NCR3LG1: variants seen among roughly 807,000 people sequenced by gnomAD.
NCR3LG1 encodes natural killer cell cytotoxicity receptor 3 ligand 1, also known as natural cytotoxicity triggering receptor 3 ligand 1.
Under a neutral mutation model 34.8 loss-of-function variants are expected in NCR3LG1, and 35 were observed. That is an observed-to-expected ratio of 1.01 (90% CI 0.77 to 1.33). The LOEUF (loss-of-function observed/expected upper bound fraction) is 1.33, where lower values mean the gene tolerates loss of function less well. Ranked by LOEUF, NCR3LG1 falls within the 40% of genes most tolerant of loss-of-function variation. The pLI, the probability that NCR3LG1 is intolerant of heterozygous loss-of-function variation, is 0.00. For synonymous variants in NCR3LG1, 173 were observed against 163.6 expected (o/e 1.06, Z -0.44); for missense variants, 452 against 423.3 (o/e 1.07, Z -0.60).
At position 17,357,012 on chromosome 11, in the gene NCR3LG1, C is replaced by A; in HGVS notation, c.421+11C>A. On this transcript the variant is annotated intron_variant, in intron 2 of 4. Transcript: ENST00000338965. ...AGCTTGAAGTTGTGGGTGAGTGTCT[C>A]GGGGCAGTGCCCTACAGTTCCCATG... The A allele has an allele frequency of 6.7e-7, 1 of 1,485,984 alleles. No homozygotes were observed. The allele number at this position is 1,485,984 out of a possible 1,614,324, so 92.0% of individuals were successfully genotyped here.
chr11:17,356,622 C>T, intron 1 of NCR3LG1, 29 bp from the exon 2 acceptor site: 1 of 1,444,176 alleles, frequency 6.9e-7, no homozygotes. Flanking sequence ...CATTGGTAAA[C>T]TGAACATTGT....
rs1275658758 is a variant in NCR3LG1, at chr11:17,372,521, T to C, written c.*9T>C. ...TGTTACCCCTACAGTAAATGCCTGA[T>C]GGACCTGGTGCCACTAGGGTCCAAG... On this transcript the variant is annotated 3_prime_UTR_variant, in exon 5 of 5. Transcript: ENST00000338965. 1.5e-6 allele frequency: 1 copy of C among 683,986 alleles called. No individual in the cohort carries two copies. Among genetic ancestry groups the C allele is most frequent in the Non-Finnish European group, 2.7e-6 (1 of 374,458 alleles). 42.4% of individuals were successfully genotyped at this position (683,986 alleles called of 1,614,324 possible). A position where few individuals can be genotyped will look rare whatever the true frequency, so the allele number is the denominator to read the frequency against.
chr11:17,359,422 G>C (rs1953245334), intron 2 of NCR3LG1, among the ~76,000 whole-genome samples: 1 of 150,510 alleles, frequency 6.6e-6, no homozygotes, highest in African/African-American at 2.4e-5. Context: ...ACCATCCTCT[G>C]TTTATTGAAT....
rs71047545 is a variant in NCR3LG1, at chr11:17,354,545, C to CTTTTTTTT, written c.71-2085_71-2078dup. Among the ~76,000 whole-genome samples the CTTTTTTTT allele has an allele frequency of 3.8e-4, 27 of 70,326 alleles. 1 individual carries two copies. The highest frequency in any genetic ancestry group is 6.5e-4 in the Non-Finnish European group (19 of 29,296). The allele number at this position is 70,326 out of a possible 152,430, so 46.1% of individuals were successfully genotyped here. A position where few individuals can be genotyped will look rare whatever the true frequency, so the allele number is the denominator to read the frequency against. On this transcript the variant is annotated intron_variant, in intron 1 of 4. Coordinates refer to ENST00000338965, the MANE Select transcript of NCR3LG1 (RefSeq NM_001202439.3). ...TCCCTCCGACCCCCCAATTCTTCTTCTTTTTTTTTTTTTTTTTTTTTTTTT... is the reference window on the plus strand; with the variant it reads ...TCCCTCCGACCCCCCAATTCTTCTTCTTTTTTTTTTTTTTTTTTTTTTTTTTTTTTTTT...
intron 1 of NCR3LG1, among the ~76,000 whole-genome samples, chr11:17,355,712 C>T (rs1300163743): frequency 6.6e-6 from 1 of 152,162 alleles, no homozygotes; most frequent in African/African-American, 2.4e-5. Context: ...AGCCTCATTT[C>T]TAGTTTATAG....
chr11:17,355,026 T>C (rs1413167228), intron 1 of NCR3LG1, among the ~76,000 whole-genome samples: 1 of 152,172 alleles, frequency 6.6e-6, no homozygotes, highest in Non-Finnish European at 1.5e-5. Context: ...AAATAGCAAA[T>C]GTAATATTTT....
downstream of NCR3LG1, among the ~76,000 whole-genome samples, chr11:17,378,168 A>G (rs958270686): frequency 6.6e-6 from 1 of 152,186 alleles, no homozygotes; most frequent in South Asian, 2.1e-4. Context: ...TGCAAAATAG[A>G]CAGGCCCTAG....
intron 2 of NCR3LG1, among the ~76,000 whole-genome samples, chr11:17,361,437 G>A (rs1043916299): frequency 1.3e-5 from 2 of 151,902 alleles, no homozygotes; most frequent in African/African-American, 4.8e-5. Flanking sequence ...ACGGGCATGC[G>A]CCACCACGCC....
chr11:17,352,710 A>C (rs929384123), intron 1 of NCR3LG1, among the ~76,000 whole-genome samples: 1 of 152,036 alleles, frequency 6.6e-6, no homozygotes, highest in African/African-American at 2.4e-5. Flanking sequence ...ATTCATCCGC[A>C]TATCAGTGGG....
At chr11:17,370,453 T>C (rs1233691286) in intron 4 of NCR3LG1, among the ~76,000 whole-genome samples, 1 of 152,206 alleles carries the variant, frequency 6.6e-6, no homozygotes, top group Admixed American at 6.5e-5. Flanking sequence ...TTCAGAGGCT[T>C]CTTGTCCTCA....
intron 2 of NCR3LG1, among the ~76,000 whole-genome samples, chr11:17,365,802 C>A (rs761395841): frequency 6.6e-6 from 1 of 152,138 alleles, no homozygotes; most frequent in South Asian, 2.1e-4. Flanking sequence ...AAGACCAGGA[C>A]CTGAGGAGGT....
At position 17,375,296 on chromosome 11, in the gene NCR3LG1, C is replaced by T. The variant is rs769005554; in HGVS notation, c.*2784C>T. ...TAATTGTGAACAGACTGTAGTACAA[C>T]CTATGCCGCTAGGGAGGATCTCAAA... On this transcript the variant is annotated 3_prime_UTR_variant, in exon 5 of 5. Coordinates refer to ENST00000338965, the MANE Select transcript of NCR3LG1 (RefSeq NM_001202439.3). The T allele has an allele frequency of 6.6e-6, 1 of 152,150 alleles. No individual in the cohort carries two copies. The allele number at this position is 152,150 out of a possible 1,614,324, so 9.4% of individuals were successfully genotyped here. A position where few individuals can be genotyped will look rare whatever the true frequency, so the allele number is the denominator to read the frequency against.
downstream of NCR3LG1, chr11:17,381,327 A>G (rs536152185): frequency 3.2e-4 from 49 of 152,632 alleles, no homozygotes; most frequent in African/African-American, 1.2e-3. Context: ...ACAGAGACAG[A>G]TGGCAGAGAT....
At chr11:17,353,860 G>A (rs1030837629) in intron 1 of NCR3LG1, among the ~76,000 whole-genome samples, 3 of 152,204 alleles carry the variant, frequency 2.0e-5, no homozygotes, top group African/African-American at 7.2e-5. Context: ...ATGGAAAACC[G>A]TTTCGGAAGC....
chr11:17,361,194 A>G (rs1953265625), intron 2 of NCR3LG1, among the ~76,000 whole-genome samples: 1 of 151,996 alleles, frequency 6.6e-6, no homozygotes, highest in African/African-American at 2.4e-5. Context: ...TTCTTTCCAT[A>G]CAAATTTGAG....
chr11:17,365,200 G>T (rs1465467964), intron 2 of NCR3LG1, among the ~76,000 whole-genome samples: 2 of 152,118 alleles, frequency 1.3e-5, no homozygotes, highest in Admixed American at 6.5e-5. Context: ...TGTTAATTTG[G>T]CTAGGAGCTG....
rs1953446369 is a variant in NCR3LG1, at chr11:17,374,057, C to CT, written c.*1547dup. On this transcript the variant is annotated 3_prime_UTR_variant, in exon 5 of 5. Transcript: ENST00000338965. ...TGATAACCTAAAGGCACAAGGCCTCCTTAGGCCTTGCAGTAGCCCTTGAAA... is the reference window on the plus strand; with the variant it reads ...TGATAACCTAAAGGCACAAGGCCTCCTTTAGGCCTTGCAGTAGCCCTTGAAA... 1 of 152,160 alleles carries CT rather than the reference C, an allele frequency of 6.6e-6. No homozygotes were observed. The highest frequency in any genetic ancestry group is 2.4e-5 in the African/African-American group (1 of 41,440). 9.4% of individuals were successfully genotyped at this position (152,160 alleles called of 1,614,324 possible).
At chr11:17,363,936 C>T (rs949373839) in intron 2 of NCR3LG1, among the ~76,000 whole-genome samples, 22 of 151,998 alleles carry the variant, frequency 1.4e-4, no homozygotes, top group African/African-American at 5.3e-4. Context: ...TATGGCTAGA[C>T]GTGGATAGGC....
At chr11:17,358,252 C>T (rs1953232858) in intron 2 of NCR3LG1, among the ~76,000 whole-genome samples, 1 of 152,132 alleles carries the variant, frequency 6.6e-6, no homozygotes, top group Non-Finnish European at 1.5e-5. Context: ...TTTCCTGCTC[C>T]AGGATCCCGT....
Sources: gnomAD v4.1 joint callset for allele counts (sites outside exome capture counted in the v4.1 genomes callset) on GRCh38, gnomAD v4.1.1 for gene constraint, MANE v1.5 for transcripts, NCBI Gene and HGNC (gene_info 2026-07-23, HGNC 2026-07-21) for gene names.